The following DOCK9 variants were observed in gnomAD, a reference collection of about 807,000 sequenced individuals.
DOCK9 encodes the protein dedicator of cytokinesis protein 9.
A neutral mutation model predicts 263.3 loss-of-function variants in DOCK9; 89 were observed. The observed-to-expected ratio is 0.34, with a 90% CI of 0.28 to 0.40. The LOEUF (loss-of-function observed/expected upper bound fraction) is 0.40. Ranked by LOEUF, DOCK9 falls within the 10% of genes least tolerant of loss-of-function variation. DOCK9 has a pLI of 1.00. For synonymous variants in DOCK9, 976 were observed against 973.1 expected (o/e 1.00, Z -0.06); for missense variants, 2,140 against 2,603.4 (o/e 0.82, Z 3.87).
chr13:98,797,476 G>A lies in DOCK9; in HGVS notation c.5930C>T (p.Pro1977Leu), dbSNP rs1365428064. 6.2e-7 allele frequency: 1 copy of A among 1,611,198 alleles called. No homozygotes were observed. The highest frequency in any genetic ancestry group is 8.5e-7 in the Non-Finnish European group (1 of 1,178,576). The change falls in exon 51 of 53, where the codon CCA (proline) becomes CTA (leucine). Residue 1977 changes from proline to leucine, a missense_variant. Coordinates refer to ENST00000682017, the MANE Select transcript of DOCK9 (RefSeq NM_001366683.2). ...TAAGAAAGCTCGCGCATATGCTAGTGGGCCAGCATTGACCTAGACAAAGAG... is the reference window on the plus strand; with the variant it reads ...TAAGAAAGCTCGCGCATATGCTAGTAGGCCAGCATTGACCTAGACAAAGAG... ...GSVSVQVNAG[P>L]LAYARAFLDD... is the part of the protein sequence containing the mutation.
At chr13:98,866,070 C>T (rs1043980439) in intron 30 of DOCK9, among the ~76,000 whole-genome samples, 4 of 152,150 alleles carry the variant, frequency 2.6e-5, no homozygotes, top group African/African-American at 9.7e-5. Flanking sequence ...CCCAGATATG[C>T]GGGTGCTTGG....
intron 15 of DOCK9, among the ~76,000 whole-genome samples, chr13:98,890,264 G>A (rs1214456961): frequency 6.6e-6 from 1 of 152,122 alleles, no homozygotes; most frequent in Non-Finnish European, 1.5e-5. Flanking sequence ...TCCTTCCCAA[G>A]TCTCTGGAGG....
At chr13:98,961,919 A>C (rs1438087399) in intron 1 of DOCK9, among the ~76,000 whole-genome samples, 1 of 152,212 alleles carries the variant, frequency 6.6e-6, no homozygotes, top group Non-Finnish European at 1.5e-5. Flanking sequence ...CCCCAGGACT[A>C]CTTGGCGGTA....
At chr13:98,840,312 C>T (rs908256097) in intron 38 of DOCK9, among the ~76,000 whole-genome samples, 1 of 152,148 alleles carries the variant, frequency 6.6e-6, no homozygotes, top group Admixed American at 6.5e-5. Flanking sequence ...ACTAGGGGGC[C>T]GTGGTGCCTG....
intron 1 of DOCK9, among the ~76,000 whole-genome samples, chr13:99,061,940 C>T (rs9513542): frequency 0.53 from 79,720 of 151,534 alleles, 21,252 homozygotes; most frequent in South Asian, 0.68. Flanking sequence ...GGCGCCATCA[C>T]AGCTCACCGC....
chr13:98,921,233 G>C, intron 6 of DOCK9, 145 bp from the exon 7 acceptor site: 1 of 790,998 alleles, frequency 1.3e-6, no homozygotes, highest in Non-Finnish European at 1.9e-6. Flanking sequence ...GTGGGGTCAA[G>C]ACTCCCCATC....
intron 22 of DOCK9, 107 bp downstream of exon 22, chr13:98,883,706 G>C (rs1006533192): frequency 1.6e-6 from 1 of 643,338 alleles, no homozygotes; most frequent in African/African-American, 1.8e-5. Context: ...AAGATCTATA[G>C]AGTAAAAATA....
chr13:98,808,350 T>C (rs1486209536), intron 47 of DOCK9, among the ~76,000 whole-genome samples: 2 of 152,204 alleles, frequency 1.3e-5, no homozygotes, highest in Non-Finnish European at 2.9e-5. Context: ...TCAGAAAATA[T>C]TTTCATATCA....
chr13:98,835,430 G>C (rs2092954647), intron 39 of DOCK9, among the ~76,000 whole-genome samples: 1 of 152,234 alleles, frequency 6.6e-6, no homozygotes, highest in African/African-American at 2.4e-5. Flanking sequence ...AGTAATGCCA[G>C]AGAGTGCACC....
chr13:98,977,937 T>C lies in DOCK9; in HGVS notation c.-28A>G. 11 of 1,558,970 alleles carry C rather than the reference T, an allele frequency of 7.1e-6. No homozygotes were observed. The highest frequency in any genetic ancestry group is 9.6e-6 in the Non-Finnish European group (11 of 1,150,676). ...TCGGCTGAAAACGCAAGTCAGAAAGTCTGCAACTGGAACAGCTGCGAGTCC... is the reference window on the plus strand; with the variant it reads ...TCGGCTGAAAACGCAAGTCAGAAAGCCTGCAACTGGAACAGCTGCGAGTCC... On this transcript the variant is annotated 5_prime_UTR_variant, in exon 1 of 53. Coordinates refer to ENST00000682017, the MANE Select transcript of DOCK9 (RefSeq NM_001366683.2).
chr13:98,884,927 T>C lies in DOCK9; in HGVS notation c.2382+44A>G, dbSNP rs747485780. On this transcript the variant is annotated intron_variant, in intron 21 of 52. Coordinates refer to ENST00000682017, the MANE Select transcript of DOCK9 (RefSeq NM_001366683.2). Reference sequence around the variant, plus strand: ...TGTTGTTTTAGTTGTTCTTTAATGTTTTCTGAAGAAATTGGGATGACCCAA... The same window carrying C: ...TGTTGTTTTAGTTGTTCTTTAATGTCTTCTGAAGAAATTGGGATGACCCAA... The C allele has an allele frequency of 1.6e-5, 25 of 1,583,114 alleles. No homozygotes were observed. In the South Asian group the frequency reaches 2.7e-4, roughly 17 times the overall value.
chr13:98,992,969 G>T (rs190863376), intron 1 of DOCK9, among the ~76,000 whole-genome samples: 3 of 152,202 alleles, frequency 2.0e-5, no homozygotes, highest in African/African-American at 7.2e-5. Context: ...AAGTCTGAAA[G>T]AGCATGGTGT....
chr13:98,812,186 G>A (rs1161207112), intron 45 of DOCK9, among the ~76,000 whole-genome samples: 2 of 140,952 alleles, frequency 1.4e-5, no homozygotes, highest in Non-Finnish European at 3.1e-5. Flanking sequence ...TTTTTTTAAG[G>A]GATTTTTTTT....
chr13:98,970,209 G>A (rs1218490054), intron 1 of DOCK9, among the ~76,000 whole-genome samples: 6 of 152,086 alleles, frequency 3.9e-5, no homozygotes, highest in Non-Finnish European at 8.8e-5. Flanking sequence ...TGTTGCCCAG[G>A]CTGGTCTCAA....
chr13:98,872,778 G>A (rs894310605), intron 27 of DOCK9, among the ~76,000 whole-genome samples: 2 of 152,142 alleles, frequency 1.3e-5, no homozygotes, highest in African/African-American at 4.8e-5. Context: ...TAATCTGCAT[G>A]TTTACCTCAC....
In DOCK9 at chr13:98,836,822, A is replaced by G. The variant is rs2093018459; in HGVS notation, c.4314+672T>C. Among the ~76,000 whole-genome samples, 4 of 152,254 alleles carry G rather than the reference A, an allele frequency of 2.6e-5. No homozygotes were observed. In the South Asian group the frequency reaches 6.2e-4, roughly 24 times the overall value. On this transcript the variant is annotated intron_variant, in intron 39 of 52. Coordinates refer to ENST00000682017, the MANE Select transcript of DOCK9 (RefSeq NM_001366683.2). ...ATGACTTGGGTCCTATTTCCCAAAC[A>G]CCCTTGCAAATAAGCAAACTGTTCC... is the stretch of plus-strand genomic sequence containing the variant.
chr13:98,798,664 C>T (rs1204117691), intron 50 of DOCK9, among the ~76,000 whole-genome samples: 2 of 152,240 alleles, frequency 1.3e-5, no homozygotes, highest in Non-Finnish European at 2.9e-5. Flanking sequence ...GCTCCGCAGA[C>T]GGCTCTGCCC....
At chr13:98,859,079 G>A (rs1408008064) in intron 33 of DOCK9, 1 of 152,222 alleles carries the variant, frequency 6.6e-6, no homozygotes, top group Non-Finnish European at 1.5e-5. Context: ...GTAAATGGTC[G>A]ATTCCAGATC....
chr13:98,854,387 A>G (rs1427641372), intron 34 of DOCK9: 1 of 152,016 alleles, frequency 6.6e-6, no homozygotes, highest in Non-Finnish European at 1.5e-5. Flanking sequence ...CTGGTGGCCA[A>G]TTGAAAAAAA....
Sources: gnomAD v4.1 joint callset for allele counts (sites outside exome capture counted in the v4.1 genomes callset) on GRCh38, gnomAD v4.1.1 for gene constraint, MANE v1.5 for transcripts, NCBI Gene and HGNC (gene_info 2026-07-23, HGNC 2026-07-21) for gene names.